Variants in TMPO observed in about 807,000 individuals in gnomAD.
The protein encoded by TMPO is thymopoietin.
TMPO carries 22 observed loss-of-function variants against 45.4 expected under a neutral mutation model. That is an observed-to-expected ratio of 0.48 (90% CI 0.35 to 0.69). The LOEUF (loss-of-function observed/expected upper bound fraction) is 0.69, where lower values mean the gene tolerates loss of function less well. TMPO is among the 30% of genes least tolerant of loss of function. TMPO has a pLI of 0.01. For missense variants in TMPO, 512 were observed against 548.8 expected, an observed-to-expected ratio of 0.93 and a Z score of 0.67; for synonymous variants, 241 against 204.1, an observed-to-expected ratio of 1.18 and a Z score of -1.54.
chr12:98,539,318 C>A (rs1394827731), intron 4 of TMPO, among the ~76,000 whole-genome samples: 1 of 151,882 alleles, frequency 6.6e-6, no homozygotes, highest in African/African-American at 2.4e-5. Flanking sequence ...AGATGACAGG[C>A]AGAATTAGAC....
chr12:98,534,518 A>G (rs1877450141), intron 3 of TMPO: 5 of 1,418,856 alleles, frequency 3.5e-6, no homozygotes, highest in Non-Finnish European at 4.6e-6. Context: ...TGTCTTTTCT[A>G]AAGATTTGCG....
At chr12:98,523,160 A>G (rs1876499263) in intron 1 of TMPO, among the ~76,000 whole-genome samples, 1 of 152,220 alleles carries the variant, frequency 6.6e-6, no homozygotes, top group Non-Finnish European at 1.5e-5. Context: ...GAAACTGCTA[A>G]TCATGTACAG....
At chr12:98,522,403 A>G (rs943750381) in intron 1 of TMPO, among the ~76,000 whole-genome samples, 2 of 152,212 alleles carry the variant, frequency 1.3e-5, no homozygotes, top group East Asian at 1.9e-4. Context: ...TTAAATCACA[A>G]ATTTACCACC....
At position 98,544,259 on chromosome 12, in the gene TMPO, T is replaced by C. The variant is rs756302580; in HGVS notation, c.693T>C (p.Thr231=). The C allele has an allele frequency of 1.2e-6, 2 of 1,613,974 alleles. No individual in the cohort carries two copies. Among genetic ancestry groups the C allele is most frequent in the Admixed American group, 1.7e-5 (1 of 60,024 alleles). Residue 231 remains threonine (T), a synonymous_variant, in exon 5 of 9, where the codon ACT becomes ACC. Coordinates refer to ENST00000556029, the MANE Select transcript of TMPO (RefSeq NM_001032283.3). ...QSYSQAGITE[T]EWTSGSSKGG... is the part of the protein sequence containing the mutation. ...ATTCTCAAGCTGGAATAACTGAGAC[T>C]GAATGGACAAGTGGATCTTCAAAAG... is the stretch of plus-strand genomic sequence containing the variant.
At chr12:98,516,204 C>A (rs1203785365) in intron 1 of TMPO, 58 bp downstream of exon 1, 2 of 1,317,940 alleles carry the variant, frequency 1.5e-6, no homozygotes, top group Admixed American at 8.3e-5. Flanking sequence ...CGCGCGCGCT[C>A]GCCGCCGTTT....
chr12:98,515,730 G>T lies in TMPO; in HGVS notation c.-138G>T. 1 of 1,520,222 alleles carries T rather than the reference G, an allele frequency of 6.6e-7. No individual in the cohort carries two copies. Among genetic ancestry groups the T allele is most frequent in the Non-Finnish European group, 8.8e-7 (1 of 1,132,884 alleles). 94.2% of individuals were successfully genotyped at this position (1,520,222 alleles called of 1,614,324 possible). ...CTTGGCTTTGTGTCCGCGAGTTTTT[G>T]TTCCGCTCCGCAGCGCTCTTCCCGG... On this transcript the variant is annotated 5_prime_UTR_variant, in exon 1 of 9. Transcript: ENST00000556029.
chr12:98,515,765 G>A lies in TMPO; in HGVS notation c.-103G>A, dbSNP rs1565800974. 1 of 1,545,670 alleles carries A rather than the reference G, an allele frequency of 6.5e-7. No homozygotes were observed. Among genetic ancestry groups the A allele is most frequent in the Non-Finnish European group, 8.7e-7 (1 of 1,145,372 alleles). ...GCAGCGCTCTTCCCGGGCAGGAGCC[G>A]TGAGGCTCGGAGGCGGCAGCGCGGT... On this transcript the variant is annotated 5_prime_UTR_variant, in exon 1 of 9. The change creates a new upstream start codon in the 5' untranslated region. Transcript: ENST00000556029.
chr12:98,546,931 A>G (rs914630665), intron 8 of TMPO, among the ~76,000 whole-genome samples: 1 of 152,082 alleles, frequency 6.6e-6, no homozygotes, highest in African/African-American at 2.4e-5. Flanking sequence ...ATGTATCTTA[A>G]TTTTTAACTG....
At chr12:98,525,024 TG>T (rs1222038341) in intron 1 of TMPO, among the ~76,000 whole-genome samples, 3 of 152,250 alleles carry the variant, frequency 2.0e-5, no homozygotes, top group African/African-American at 7.2e-5. Context: ...CCTGATTGAT[TG>T]TTTTTCCATG....
At chr12:98,533,683 G>A (rs913214726) in intron 3 of TMPO, 2 of 1,614,176 alleles carry the variant, frequency 1.2e-6, no homozygotes, top group Non-Finnish European at 1.7e-6. Context: ...AGGTCTAGAA[G>A]TGGCTAAGCA....
At chr12:98,542,791 G>A (rs980054562) in intron 4 of TMPO, among the ~76,000 whole-genome samples, 3 of 152,170 alleles carry the variant, frequency 2.0e-5, no homozygotes, top group African/African-American at 7.2e-5. Context: ...CTCGCAGGTG[G>A]AGGTTGCGGT....
intron 2 of TMPO, among the ~76,000 whole-genome samples, chr12:98,528,511 T>A (rs1649843321): frequency 6.6e-6 from 1 of 152,038 alleles, no homozygotes; most frequent in African/African-American, 2.4e-5. Flanking sequence ...TCTTCTGACC[T>A]TGTGATCCGC....
chr12:98,546,355 T>C lies in TMPO; in HGVS notation c.991-4T>C, dbSNP rs112475937. 3.5e-3 allele frequency: 5,560 copies of C among 1,599,648 alleles called. 141 individuals carry two copies. The African/African-American group carries it at 0.061, about 18-fold the overall frequency. On this transcript the variant is annotated splice_polypyrimidine_tract_variant and splice_region_variant and intron_variant, in intron 7 of 8. Coordinates refer to ENST00000556029, the MANE Select transcript of TMPO (RefSeq NM_001032283.3). The stretch of plus-strand genomic sequence containing the variant: ...TGGTTGTTTGTTTGTCTGTTTCTTA[T>C]TAGGTGGGAGAAAAAACAGAGGAAA...
rs796537740 is a variant in TMPO, at chr12:98,521,273, G to C, written c.279+5127G>C. On this transcript the variant is annotated intron_variant, in intron 1 of 8. Transcript: ENST00000556029. ...CGTGGTGGCACCTGCCACCACCCCC[G>C]GCTAATTTTTTTGTATTTTTAGTAG... Among the ~76,000 whole-genome samples the C allele has an allele frequency of 2.3e-3, 354 of 150,930 alleles. 3 individuals carry two copies. Among genetic ancestry groups the C allele is most frequent in the African/African-American group, 8.1e-3 (333 of 41,212 alleles).
intron 7 of TMPO, 71 bp downstream of exon 7, chr12:98,545,132 T>TG (rs1555205146): frequency 1.0e-4 from 101 of 1,009,012 alleles, no homozygotes; most frequent in Middle Eastern, 4.4e-4. Flanking sequence ...TTTGTTTGTT[T>TG]TTTTTTTTTT....
intron 1 of TMPO, among the ~76,000 whole-genome samples, chr12:98,523,504 T>C (rs1876532623): frequency 6.6e-6 from 1 of 151,584 alleles, no homozygotes; most frequent in Non-Finnish European, 1.5e-5. Context: ...GGCATGCCAC[T>C]GCACTCTAGC....
Position 98,516,111 on chromosome 12 carries a change from G to A in TMPO, c.244G>A (p.Ala82Thr), listed in dbSNP as rs1875775046. ...EPTPVLGSGA[A>T]AAGRSRAAVG... ...CACCCCGGTCCTCGGCTCTGGGGCCGCCGCCGCGGGCCGGAGCCGAGCAGC... is the reference window on the plus strand; with the variant it reads ...CACCCCGGTCCTCGGCTCTGGGGCCACCGCCGCGGGCCGGAGCCGAGCAGC... Residue 82 changes from alanine (A) to threonine (T), a missense_variant, in exon 1 of 9, where the codon GCC (alanine) becomes ACC (threonine). Coordinates refer to ENST00000556029, the MANE Select transcript of TMPO (RefSeq NM_001032283.3). 3.3e-6 allele frequency: 5 copies of A among 1,520,394 alleles called. No individual in the cohort carries two copies. Among genetic ancestry groups the A allele is most frequent in the Admixed American group, 4.3e-5 (2 of 46,820 alleles). 94.2% of individuals were successfully genotyped at this position (1,520,394 alleles called of 1,614,324 possible).
In TMPO at chr12:98,515,966, C is replaced by G. The variant is rs1343122846; in HGVS notation, c.99C>G (p.Arg33=). ...NNVTLPAGEQ[R]KDVYVQLYLQ... Reference sequence around the variant, plus strand: ...TGACGCTGCCGGCCGGGGAGCAGCGCAAAGACGTGTACGTCCAGCTCTACC... The same window carrying G: ...TGACGCTGCCGGCCGGGGAGCAGCGGAAAGACGTGTACGTCCAGCTCTACC... The change falls in exon 1 of 9, where the codon CGC becomes CGG. Residue 33 remains arginine (R), a synonymous_variant. Coordinates refer to ENST00000556029, the MANE Select transcript of TMPO (RefSeq NM_001032283.3). The G allele has an allele frequency of 2.5e-6, 4 of 1,613,192 alleles. No homozygotes were observed. Among genetic ancestry groups the G allele is most frequent in the Non-Finnish European group, 3.4e-6 (4 of 1,179,866 alleles).
chr12:98,531,897 T>A, intron 3 of TMPO, 59 bp downstream of exon 3: 1 of 1,471,844 alleles, frequency 6.8e-7, no homozygotes, highest in Non-Finnish European at 9.4e-7. Flanking sequence ...CAAAATTCAG[T>A]GACCATGAAG....
Sources: allele counts gnomAD v4.1 joint callset (sites outside exome capture counted in the v4.1 genomes callset), GRCh38; gene constraint gnomAD v4.1.1; transcripts MANE v1.5; gene names NCBI Gene and HGNC (gene_info 2026-07-23, HGNC 2026-07-21).